Variants in CERS2 observed in about 807,000 individuals in gnomAD.
CERS2 encodes ceramide synthase 2.
CERS2 carries 20 observed loss-of-function variants against 56.6 expected under a neutral mutation model. The ratio of observed to expected loss-of-function variants is 0.35; its 90% confidence interval spans 0.25 to 0.51. The LOEUF (loss-of-function observed/expected upper bound fraction) is 0.51, where lower values mean the gene tolerates loss of function less well. CERS2 is among the 20% of genes least tolerant of loss of function. CERS2 has a pLI of 0.96. For missense variants in CERS2, 361 were observed against 488.6 expected (o/e 0.74, Z 2.46); for synonymous variants, 187 against 175.4 (o/e 1.07, Z -0.52).
chr1:150,967,619 G>T (rs1180534185), intron 6 of CERS2, 45 bp downstream of exon 6: 1 of 1,541,100 alleles, frequency 6.5e-7, no homozygotes, highest in Admixed American at 1.7e-5. Flanking sequence ...CTCTTCACTA[G>T]GGTGTGTCTT....
At chr1:150,968,549 G>C (rs769514989) in intron 2 of CERS2, 37 bp from the exon 3 acceptor site, 3 of 1,505,982 alleles carry the variant, frequency 2.0e-6, no homozygotes, top group Admixed American at 3.3e-5. Context: ...CTAGCTTGCT[G>C]GGAAGGGAAA....
chr1:150,967,032 G>C lies in CERS2; in HGVS notation c.741+42C>G, dbSNP rs777148939. The C allele has an allele frequency of 9.3e-6, 15 of 1,610,452 alleles. No homozygotes were observed. In the South Asian group the frequency reaches 1.5e-4, roughly 17 times the overall value. ...CCTCCCAAAGAAAACCAAAGGGACA[G>C]AAGAACCTGCACCAGGGTCTCTAGA... On this transcript the variant is annotated intron_variant, in intron 8 of 10. Transcript: ENST00000368954.
chr1:150,968,404 C>G lies in CERS2; in HGVS notation c.282G>C (p.Gln94His), dbSNP rs1290412238. ...AGCATGCGGCTCATACCTGCTTGGG[C>G]TGCTTGCCACTGGTCAGGTAGAAAT... is the stretch of plus-strand genomic sequence containing the variant. ...LEHFYLTSGK[Q>H]PKQVEVELLS... Residue 94 changes from glutamine to histidine, a missense_variant, in exon 3 of 11, where the codon CAG (glutamine) becomes CAC (histidine). Transcript: ENST00000368954. 2 of 1,613,496 alleles carry G rather than the reference C, an allele frequency of 1.2e-6. No individual in the cohort carries two copies. Among genetic ancestry groups the G allele is most frequent in the Non-Finnish European group, 1.7e-6 (2 of 1,179,334 alleles).
intron 2 of CERS2, 122 bp downstream of exon 2, chr1:150,968,796 A>C (rs1671101590): frequency 3.1e-6 from 3 of 972,922 alleles, no homozygotes. Context: ...CACAGTGGGC[A>C]GGAACCTGAG....
intron 1 of CERS2, chr1:150,969,411 T>C (rs1228895335): frequency 8.0e-6 from 2 of 248,690 alleles, no homozygotes; most frequent in African/African-American, 2.2e-5. Context: ...TCATCTCTAC[T>C]AAAAATACAA....
intron 1 of CERS2, among the ~76,000 whole-genome samples, chr1:150,969,811 C>T (rs887551499): frequency 2.0e-5 from 3 of 152,146 alleles, no homozygotes; most frequent in Non-Finnish European, 2.9e-5. Flanking sequence ...CCTCGAGCCT[C>T]CAAGCCAACT....
At chr1:150,970,384 T>C (rs1184856277) in intron 1 of CERS2, among the ~76,000 whole-genome samples, 1 of 152,096 alleles carries the variant, frequency 6.6e-6, no homozygotes, top group South Asian at 2.1e-4. Flanking sequence ...AAGGACCCTA[T>C]GTATAACTCT....
rs777352515 is a variant in CERS2, at chr1:150,967,732, GAAGTT to G, written c.469-23_469-19del. 6.2e-7 allele frequency: 1 copy of G among 1,613,446 alleles called. No homozygotes were observed. Among genetic ancestry groups the G allele is most frequent in the Admixed American group, 1.7e-5 (1 of 60,024 alleles). Reference sequence around the variant, plus strand: ...CAGGGTTTCTGCAGAGAGATGGTGAGAAGTTAAAAGAGGAGGAACCCAAATTCCAT... The same window carrying G: ...CAGGGTTTCTGCAGAGAGATGGTGAGAAAAGAGGAGGAACCCAAATTCCAT... On this transcript the variant is annotated intron_variant, in intron 5 of 10. Transcript: ENST00000368954.
rs748770855 is a variant in CERS2 at position 150,967,908 on chromosome 1, G to C, written c.411-31C>G. On this transcript the variant is annotated intron_variant, in intron 4 of 10. Transcript: ENST00000368954. The stretch of plus-strand genomic sequence containing the variant: ...AGAGGAAGCAGAAATGGCTAGGTCA[G>C]AGGATAGCACAGTCCCCCAGCAGCC... 2.5e-6 allele frequency: 4 copies of C among 1,577,690 alleles called. No homozygotes were observed. The African/African-American group carries it at 4.0e-5, about 16-fold the overall frequency.
At chr1:150,966,890 A>G in intron 8 of CERS2, 28 bp from the exon 9 acceptor site, 1 of 1,551,918 alleles carries the variant, frequency 6.4e-7, no homozygotes, top group Non-Finnish European at 8.9e-7. Flanking sequence ...ATCCATCATC[A>G]TGGGCTCCTG....
Position 150,968,473 on chromosome 1 carries a change from C to G in CERS2, c.213G>C (p.Lys71Asn). The change falls in exon 3 of 11, where the codon AAG (lysine) becomes AAC (asparagine). Residue 71 changes from lysine to asparagine, a missense_variant. Physicochemically the swap from Lys to Asn is moderately conservative, Grantham distance 94. Transcript: ENST00000368954. ...ATPLAALLNI[K>N]EKTRLRAPPN... is the part of the protein sequence containing the mutation. ...GAGGTGCCCGCAGCCGAGTTTTCTC[C>G]TTTATGTTCAAGAGGGCAGCCAGTG... The G allele has an allele frequency of 6.2e-7, 1 of 1,614,172 alleles. No homozygotes were observed. The highest frequency in any genetic ancestry group is 1.3e-5 in the African/African-American group (1 of 75,050).
In CERS2 at chr1:150,965,505, A is replaced by T. The variant is rs1256868779; in HGVS notation, c.*643T>A. On this transcript the variant is annotated 3_prime_UTR_variant, in exon 11 of 11. Coordinates refer to ENST00000368954, the MANE Select transcript of CERS2 (RefSeq NM_022075.5). ...GCCAGAGAAAGGAGGAGGCAGTCAG[A>T]TCTTAGACCTGTCGCTACAGGGACA... The T allele has an allele frequency of 6.6e-6, 1 of 152,626 alleles. No individual in the cohort carries two copies. The highest frequency in any genetic ancestry group is 6.6e-5 in the Admixed American group (1 of 15,258). The allele number at this position is 152,626 out of a possible 1,614,324, so 9.5% of individuals were successfully genotyped here. A position where few individuals can be genotyped will look rare whatever the true frequency, so the allele number is the denominator to read the frequency against.
At position 150,966,240 on chromosome 1, in the gene CERS2, C is replaced by G. The variant is rs376324977; in HGVS notation, c.1051G>C (p.Gly351Arg). ...CCTCCCCCAGCTGCAGCCTCCTCCC[C>G]CTCTGAGCTCTCTGTTTCTTCCCGG... is the stretch of plus-strand genomic sequence containing the variant. ...SDREETESSEGEEAAAGGGAK... is the reference protein window; with the variant it reads ...SDREETESSEREEAAAGGGAK... Residue 351 changes from glycine (G) to arginine (R), a missense_variant, in exon 11 of 11, where the codon GGG becomes CGG. Coordinates refer to ENST00000368954, the MANE Select transcript of CERS2 (RefSeq NM_022075.5). 2.0e-5 allele frequency: 33 copies of G among 1,610,350 alleles called. No homozygotes were observed. The highest frequency in any genetic ancestry group is 2.6e-5 in the Non-Finnish European group (31 of 1,179,046).
chr1:150,969,950 C>T (rs1433778514), intron 1 of CERS2, among the ~76,000 whole-genome samples: 1 of 152,110 alleles, frequency 6.6e-6, no homozygotes, highest in Non-Finnish European at 1.5e-5. Context: ...ACAGGGTAGG[C>T]TGGGCAGTAG....
rs762458877 is a variant in CERS2, at chr1:150,966,881, T to C, written c.742-19A>G. ...TGGCTGACTGCATAGAGAGCCCCCA[T>C]CCATCATCATGGGCTCCTGACTCCC... On this transcript the variant is annotated intron_variant, in intron 8 of 10. Coordinates refer to ENST00000368954, the MANE Select transcript of CERS2 (RefSeq NM_022075.5). 35 of 1,573,342 alleles carry C rather than the reference T, an allele frequency of 2.2e-5. 1 individual carries two copies. In the South Asian group the frequency reaches 3.7e-4, roughly 16 times the overall value.
intron 1 of CERS2, 89 bp from the exon 2 acceptor site, chr1:150,969,180 G>A: frequency 2.6e-6 from 3 of 1,144,170 alleles, no homozygotes; most frequent in Non-Finnish European, 3.8e-6. Flanking sequence ...TGTATCAAAA[G>A]GAGAAGGGGG....
Position 150,968,938 on chromosome 1 carries a change from G to C in CERS2, c.153C>G (p.Ile51Met). The C allele has an allele frequency of 6.2e-7, 1 of 1,613,610 alleles. No individual in the cohort carries two copies. The highest frequency in any genetic ancestry group is 8.5e-7 in the Non-Finnish European group (1 of 1,179,958). Residue 51 changes from isoleucine to methionine, a missense_variant, in exon 2 of 11, where the codon ATC becomes ATG. By Grantham distance (10) the Ile-to-Met change is conservative (BLOSUM62 1). This residue lies in a region of CERS2 where 236 missense variants were observed against 309.2 expected (regional missense o/e 0.76). Coordinates refer to ENST00000368954, the MANE Select transcript of CERS2 (RefSeq NM_022075.5). Reference sequence around the variant, plus strand: ...CTTACAGCTCAAAGAAGTATCGAACGATGAGGAAGAGCAAGGCCAGGGGCA... The same window carrying C: ...CTTACAGCTCAAAGAAGTATCGAACCATGAGGAAGAGCAAGGCCAGGGGCA... The part of the protein sequence containing the change: ...ITLPLALLFL[I>M]VRYFFELYVA...
At chr1:150,971,823 G>A (rs1195141611) in intron 1 of CERS2, 1 of 470,880 alleles carries the variant, frequency 2.1e-6, no homozygotes, top group Non-Finnish European at 4.4e-6. Flanking sequence ...CTGATTGGAA[G>A]CGAGAAATCA....
intron 4 of CERS2, 60 bp from the exon 5 acceptor site, chr1:150,967,937 A>G: frequency 4.8e-6 from 7 of 1,450,254 alleles, no homozygotes; most frequent in Non-Finnish European, 6.8e-6. Flanking sequence ...AGCAGCCCCC[A>G]AATACCTGCA....
Sources: allele counts gnomAD v4.1 joint callset (sites outside exome capture counted in the v4.1 genomes callset), GRCh38; gene constraint gnomAD v4.1.1; regional missense constraint gnomAD v4.1.1; transcripts MANE v1.5; gene names NCBI Gene and HGNC (gene_info 2026-07-23, HGNC 2026-07-21).